The following NGF variants were observed in gnomAD, a reference collection of about 807,000 sequenced individuals.
NGF encodes beta-nerve growth factor.
NGF carries 4 observed loss-of-function variants against 12.8 expected under a neutral mutation model. The observed-to-expected ratio is 0.31, with a 90% CI of 0.15 to 0.72. The LOEUF (loss-of-function observed/expected upper bound fraction) is 0.72, where lower values mean the gene tolerates loss of function less well. Among genes scored for constraint, NGF ranks in the 30% least tolerant of loss-of-function variants. The probability of loss-of-function intolerance (pLI) is 0.69; values close to 1 mark genes in which losing one functional copy is unlikely to be tolerated. For synonymous variants in NGF, 140 were observed against 130.0 expected (o/e 1.08, Z -0.52); for missense variants, 283 against 330.8 (o/e 0.86, Z 1.12).
chr1:115,305,918 G>T (rs1159323741), intron 1 of NGF, among the ~76,000 whole-genome samples: 1 of 152,220 alleles, frequency 6.6e-6, no homozygotes, highest in Non-Finnish European at 1.5e-5. Context: ...ATTCTCTGTT[G>T]ATTGGTTTTT....
At chr1:115,337,876 T>C (rs886788546) in intron 1 of NGF, among the ~76,000 whole-genome samples, 2 of 152,110 alleles carry the variant, frequency 1.3e-5, no homozygotes, top group South Asian at 2.1e-4. Context: ...TATCCACTTC[T>C]AGCCCTCGAG....
intron 1 of NGF, among the ~76,000 whole-genome samples, chr1:115,314,092 A>G (rs1398804492): frequency 2.0e-5 from 3 of 152,222 alleles, no homozygotes; most frequent in Non-Finnish European, 2.9e-5. Flanking sequence ...TCCAAAGTCA[A>G]GGAACCAAGT....
intron 1 of NGF, among the ~76,000 whole-genome samples, chr1:115,303,782 C>A (rs918453778): frequency 3.9e-5 from 6 of 152,176 alleles, no homozygotes; most frequent in Non-Finnish European, 8.8e-5. Context: ...CCAATGTTCT[C>A]CAAGACCTCC....
At chr1:115,295,186 G>A (rs905661854) in intron 1 of NGF, among the ~76,000 whole-genome samples, 14 of 152,236 alleles carry the variant, frequency 9.2e-5, no homozygotes, top group Middle Eastern at 3.4e-3. Context: ...TTCCAACCAC[G>A]AAGAGGAGTT....
intron 1 of NGF, among the ~76,000 whole-genome samples, chr1:115,313,480 G>C (rs1654389767): frequency 6.6e-6 from 1 of 152,114 alleles, no homozygotes; most frequent in African/African-American, 2.4e-5. Context: ...GGGTTTCCTG[G>C]CATAGTTTGC....
At chr1:115,306,640 CA>C (rs1654212602) in intron 1 of NGF, among the ~76,000 whole-genome samples, 1 of 152,176 alleles carries the variant, frequency 6.6e-6, no homozygotes, top group Non-Finnish European at 1.5e-5. Flanking sequence ...GCTATGTATA[CA>C]GCAAATTGGT....
At chr1:115,326,105 G>A (rs1286603528) in intron 1 of NGF, among the ~76,000 whole-genome samples, 1 of 152,078 alleles carries the variant, frequency 6.6e-6, no homozygotes, top group African/African-American at 2.4e-5. Flanking sequence ...GGAAGAGGGC[G>A]ATCTAGAAAG....
intron 1 of NGF, among the ~76,000 whole-genome samples, chr1:115,296,575 A>G (rs11102917): frequency 0.085 from 12,939 of 152,210 alleles, 1,222 homozygotes; most frequent in African/African-American, 0.23. Flanking sequence ...ACCTTGGTGC[A>G]TGCCAGGGCC....
intron 1 of NGF, among the ~76,000 whole-genome samples, chr1:115,323,190 C>T (rs1654677218): frequency 6.6e-6 from 1 of 152,130 alleles, no homozygotes; most frequent in Non-Finnish European, 1.5e-5. Context: ...TATTACCTTT[C>T]TAACTGAGAG....
intron 1 of NGF, among the ~76,000 whole-genome samples, chr1:115,298,775 C>T (rs1335544174): frequency 6.6e-6 from 1 of 151,882 alleles, no homozygotes; most frequent in Middle Eastern, 3.2e-3. Context: ...CCAAATCGAT[C>T]ACTACATTGA....
chr1:115,322,194 C>G (rs1400303197), intron 1 of NGF, among the ~76,000 whole-genome samples: 1 of 152,312 alleles, frequency 6.6e-6, no homozygotes, highest in African/African-American at 2.4e-5. Flanking sequence ...CTGCCCAGCA[C>G]TTTCTGGCAG....
At chr1:115,292,979 G>T (rs1257583421) in intron 2 of NGF, among the ~76,000 whole-genome samples, 1 of 151,838 alleles carries the variant, frequency 6.6e-6, no homozygotes, top group East Asian at 1.9e-4. Flanking sequence ...ACATTAATGG[G>T]AACCAAATCT....
At chr1:115,288,136 C>G (rs962946292) in intron 2 of NGF, among the ~76,000 whole-genome samples, 1 of 152,168 alleles carries the variant, frequency 6.6e-6, no homozygotes, top group African/African-American at 2.4e-5. Context: ...TCAGATCACT[C>G]CAATCAAAAA....
At chr1:115,330,878 T>G (rs1654903468) in intron 1 of NGF, among the ~76,000 whole-genome samples, 1 of 152,188 alleles carries the variant, frequency 6.6e-6, no homozygotes, top group East Asian at 1.9e-4. Flanking sequence ...GTACTTCTCC[T>G]TACTGAGTAG....
chr1:115,334,632 C>T (rs1557949804), intron 1 of NGF, among the ~76,000 whole-genome samples: 1 of 152,172 alleles, frequency 6.6e-6, no homozygotes, highest in Non-Finnish European at 1.5e-5. Context: ...GAAACCCCAA[C>T]AATAGGGCCC....
At chr1:115,289,398 C>T (rs1653615393) in intron 2 of NGF, among the ~76,000 whole-genome samples, 1 of 152,120 alleles carries the variant, frequency 6.6e-6, no homozygotes, top group African/African-American at 2.4e-5. Context: ...CATACCTCTC[C>T]CTATTCCCCA....
At chr1:115,323,907 T>C (rs896570181) in intron 1 of NGF, among the ~76,000 whole-genome samples, 6 of 152,158 alleles carry the variant, frequency 3.9e-5, no homozygotes, top group African/African-American at 1.4e-4. Flanking sequence ...AGTGACAGGA[T>C]GGCCAGAGCT....
At chr1:115,337,267 GTTTTTTTTTTTTTT>G (rs67307707) in intron 1 of NGF, among the ~76,000 whole-genome samples, 1,538 of 81,064 alleles carry the variant, frequency 0.019, 111 homozygotes, top group Non-Finnish European at 0.026. Context: ...TTTTGTTTTT[GTTTTTTTTTTTTTT>G]TTTTTTTTTT....
chr1:115,335,909 T>G (rs1655097610), intron 1 of NGF, among the ~76,000 whole-genome samples: 3 of 152,292 alleles, frequency 2.0e-5, no homozygotes, highest in South Asian at 4.2e-4. Context: ...AGTTGTGTGA[T>G]TTTTTTCATC....
Sources: gnomAD v4.1 joint callset for allele counts (sites outside exome capture counted in the v4.1 genomes callset) on GRCh38, gnomAD v4.1.1 for gene constraint, MANE v1.5 for transcripts, NCBI Gene and HGNC (gene_info 2026-07-23, HGNC 2026-07-21) for gene names.